Variants in PSPC1 observed in about 807,000 individuals in gnomAD.
PSPC1 encodes the protein paraspeckle component 1, also known as paraspeckle protein 1.
PSPC1 carries 14 observed loss-of-function variants against 51.6 expected under a neutral mutation model. The observed-to-expected ratio is 0.27, with a 90% CI of 0.18 to 0.42. PSPC1 has a LOEUF of 0.42. PSPC1 is among the 10% of genes least tolerant of loss of function. PSPC1 has a pLI of 1.00. For synonymous variants in PSPC1, 193 were observed against 231.9 expected (o/e 0.83, Z 1.53); for missense variants, 406 against 701.1 (o/e 0.58, Z 4.75).
chr13:19,733,825 C>T (rs1043112277), intron 5 of PSPC1, among the ~76,000 whole-genome samples: 10 of 150,486 alleles, frequency 6.6e-5, no homozygotes, highest in East Asian at 3.9e-4. Context: ...TGGTGGCACA[C>T]GCTTGTAGTC....
chr13:19,681,961 AAC>A (rs1324345011), intron 6 of PSPC1, among the ~76,000 whole-genome samples: 1 of 152,222 alleles, frequency 6.6e-6, no homozygotes, highest in Non-Finnish European at 1.5e-5. Flanking sequence ...ATGTATTTTC[AAC>A]AGACAGTATA....
chr13:19,772,518 G>A lies in PSPC1; in HGVS notation c.398C>T (p.Ala133Val). 6.2e-7 allele frequency: 1 copy of A among 1,604,362 alleles called. No individual in the cohort carries two copies. The highest frequency in any genetic ancestry group is 8.5e-7 in the Non-Finnish European group (1 of 1,174,096). The change falls in exon 2 of 9, where the codon GCA (alanine) becomes GTA (valine). Residue 133 changes from alanine to valine, a missense_variant. Ala to Val is a moderately conservative substitution (Grantham distance 64). Transcript: ENST00000338910. ...AATGGTGCCGTCCAGCTCTGCTTTT[G>A]CAATTTCAGCCAGGGTTCTGGATTC... Reference protein sequence around the residue: ...RLESRTLAEIAKAELDGTILK... With the variant: ...RLESRTLAEIVKAELDGTILK...
At chr13:19,770,896 C>CA (rs369598478) in intron 2 of PSPC1, among the ~76,000 whole-genome samples, 1,568 of 121,258 alleles carry the variant, frequency 0.013, 27 homozygotes, top group African/African-American at 0.04. Context: ...GACTCGTCTC[C>CA]AAAAAAAAAA....
downstream of PSPC1, among the ~76,000 whole-genome samples, chr13:19,697,938 ATTAT>A (rs1201692645): frequency 1.3e-5 from 2 of 152,152 alleles, no homozygotes; most frequent in African/African-American, 4.8e-5. Context: ...CAAAAAGTAA[ATTAT>A]TTAAATAACC....
downstream of PSPC1, among the ~76,000 whole-genome samples, chr13:19,701,189 T>C (rs1306230095): frequency 1.3e-5 from 2 of 151,196 alleles, no homozygotes; most frequent in Non-Finnish European, 2.9e-5. Context: ...GAATGAATCA[T>C]ACAGAATTTC....
At chr13:19,690,705 G>A (rs936898928) in intron 6 of PSPC1, among the ~76,000 whole-genome samples, 3 of 151,970 alleles carry the variant, frequency 2.0e-5, no homozygotes, top group Non-Finnish European at 2.9e-5. Flanking sequence ...TATATTGATC[G>A]TTGAACCAAG....
chr13:19,758,689 G>C (rs1887321692), intron 3 of PSPC1, among the ~76,000 whole-genome samples: 1 of 151,846 alleles, frequency 6.6e-6, no homozygotes, highest in South Asian at 2.1e-4. Flanking sequence ...AAAAAAATTA[G>C]TCGGGCGTGG....
intron 2 of PSPC1, among the ~76,000 whole-genome samples, chr13:19,768,028 G>T (rs1046291448): frequency 6.6e-6 from 1 of 151,736 alleles, no homozygotes; most frequent in African/African-American, 2.4e-5. Flanking sequence ...GACCAGCCTG[G>T]GTGACATAGC....
At chr13:19,745,578 T>A (rs1231197883) in intron 4 of PSPC1, among the ~76,000 whole-genome samples, 1 of 152,150 alleles carries the variant, frequency 6.6e-6, no homozygotes, top group Non-Finnish European at 1.5e-5. Context: ...TTTCAGTTTT[T>A]ATTTTACCGC....
intron 6 of PSPC1, among the ~76,000 whole-genome samples, chr13:19,692,466 A>C (rs925199821): frequency 3.3e-5 from 5 of 152,206 alleles, no homozygotes; most frequent in Admixed American, 2.0e-4. Flanking sequence ...TTGCAAGAGC[A>C]AAAGTAAAAA....
intron 7 of PSPC1, among the ~76,000 whole-genome samples, chr13:19,706,533 A>T (rs1299593814): frequency 6.6e-6 from 1 of 152,154 alleles, no homozygotes; most frequent in African/African-American, 2.4e-5. Flanking sequence ...GACAAGCTTA[A>T]ATTCCATAAA....
At chr13:19,762,129 T>A (rs777875430) in intron 2 of PSPC1, among the ~76,000 whole-genome samples, 4 of 152,194 alleles carry the variant, frequency 2.6e-5, no homozygotes, top group African/African-American at 9.7e-5. Context: ...TCTTACACAG[T>A]GCGGGAGAGG....
chr13:19,714,903 C>T (rs918753417), intron 6 of PSPC1, among the ~76,000 whole-genome samples: 5 of 152,154 alleles, frequency 3.3e-5, no homozygotes, highest in African/African-American at 1.2e-4. Context: ...ATCACTTCTC[C>T]GTATAAAGTC....
In PSPC1 at chr13:19,681,383, GTTATATA is replaced by G. The variant is rs1402277669; in HGVS notation, c.1159-3567_1159-3561del. Among the ~76,000 whole-genome samples the G allele has an allele frequency of 1.6e-4, 24 of 151,636 alleles. 2 individuals carry two copies. Among genetic ancestry groups the G allele is most frequent in the Non-Finnish European group, 1.0e-4 (7 of 67,948 alleles). On this transcript the variant is annotated intron_variant and NMD_transcript_variant, in intron 6 of 7. Transcript: ENST00000471658. Reference sequence around the variant, plus strand: ...ATCTACTATTATTCATGTATTACATGTTATATATTATGTAATATATAAATTATATATA... The same window carrying G: ...ATCTACTATTATTCATGTATTACATGTTATGTAATATATAAATTATATATA...
intron 3 of PSPC1, among the ~76,000 whole-genome samples, chr13:19,755,733 G>A (rs1401367239): frequency 1.3e-5 from 2 of 152,012 alleles, no homozygotes; most frequent in African/African-American, 2.4e-5. Flanking sequence ...CTTCTCAGTC[G>A]TTATTGATTC....
chr13:19,735,700 C>T (rs1410479043), intron 5 of PSPC1, among the ~76,000 whole-genome samples: 3 of 152,152 alleles, frequency 2.0e-5, no homozygotes, highest in Non-Finnish European at 4.4e-5. Context: ...GCAGCCTCAG[C>T]CAGATAAATC....
intron 7 of PSPC1, 144 bp downstream of exon 7, chr13:19,709,398 C>T (rs1040307406): frequency 1.8e-5 from 10 of 541,680 alleles, no homozygotes; most frequent in African/African-American, 1.4e-4. Flanking sequence ...TATTGTATTC[C>T]AGTTTAATGG....
chr13:19,672,849 C>G (rs1368011112), downstream of PSPC1: 1 of 335,524 alleles, frequency 3.0e-6, no homozygotes, highest in East Asian at 7.4e-5. Context: ...CCTATAATCC[C>G]AGCGCTTTGG....
At chr13:19,720,421 C>A (rs1042204985) in intron 6 of PSPC1, among the ~76,000 whole-genome samples, 1 of 152,168 alleles carries the variant, frequency 6.6e-6, no homozygotes, top group Non-Finnish European at 1.5e-5. Context: ...AGATGGCCAA[C>A]GTATGAGTTA....
Sources: allele counts gnomAD v4.1 joint callset (sites outside exome capture counted in the v4.1 genomes callset), GRCh38; gene constraint gnomAD v4.1.1; transcripts MANE v1.5; gene names NCBI Gene and HGNC (gene_info 2026-07-23, HGNC 2026-07-21).